Variants in GMPS observed in about 807,000 individuals in gnomAD.
GMPS encodes the protein guanosine monophosphate synthase.
GMPS carries 15 observed loss-of-function variants against 77.9 expected under a neutral mutation model. That is an observed-to-expected ratio of 0.19 (90% confidence interval 0.13 to 0.30). The LOEUF (loss-of-function observed/expected upper bound fraction) is 0.30. Ranked by LOEUF, GMPS falls within the 10% of genes least tolerant of loss-of-function variation. The probability of loss-of-function intolerance (pLI) is 1.00; values close to 1 mark genes in which losing one functional copy is unlikely to be tolerated. For missense variants in GMPS, 590 were observed against 838.8 expected (o/e 0.70, Z 3.66); for synonymous variants, 224 against 275.9 (o/e 0.81, Z 1.86).
At chr3:155,906,846 A>G (rs565930237) in intron 5 of GMPS, among the ~76,000 whole-genome samples, 2 of 152,332 alleles carry the variant, frequency 1.3e-5, no homozygotes, top group African/African-American at 4.8e-5. Flanking sequence ...CTTTGCAGAA[A>G]GTTTGCTGAC....
At chr3:155,912,800 C>A (rs1755074560) in intron 7 of GMPS, among the ~76,000 whole-genome samples, 1 of 152,100 alleles carries the variant, frequency 6.6e-6, no homozygotes, top group Non-Finnish European at 1.5e-5. Context: ...CAATAAAAAG[C>A]AAGCTGATTT....
At chr3:155,889,392 C>G (rs1031120362) in intron 1 of GMPS, among the ~76,000 whole-genome samples, 8 of 152,200 alleles carry the variant, frequency 5.3e-5, no homozygotes, top group Non-Finnish European at 1.2e-4. Flanking sequence ...ACCTTGGGTT[C>G]CCTGCCACTT....
intron 1 of GMPS, among the ~76,000 whole-genome samples, chr3:155,886,568 C>CAAAAA (rs371278045): frequency 0.023 from 1,006 of 44,080 alleles, 17 homozygotes; most frequent in Non-Finnish European, 0.031. Context: ...GAGTCCATCT[C>CAAAAA]AAAAAAAAAA....
chr3:155,926,113 G>T (rs985199286), intron 12 of GMPS, among the ~76,000 whole-genome samples: 5 of 152,130 alleles, frequency 3.3e-5, no homozygotes, highest in Non-Finnish European at 5.9e-5. Context: ...CTGGGTTCAA[G>T]CGACCCTACT....
At chr3:155,901,042 T>G (rs1421706433) in intron 3 of GMPS, among the ~76,000 whole-genome samples, 3 of 152,174 alleles carry the variant, frequency 2.0e-5, no homozygotes, top group Non-Finnish European at 2.9e-5. Flanking sequence ...AAAATGTCTA[T>G]ACTGCTCCCT....
Position 155,910,844 on chromosome 3 carries a change from A to G in GMPS, c.679A>G (p.Ile227Val). ...CGTGCAGAACAGAGAACTTGAGTGT[A>G]TTCGAGAGATCAAAGAGAGAGTAGG... ...FTVQNRELEC[I>V]REIKERVGTS... is the part of the protein sequence containing the mutation. The change falls in exon 6 of 16, where the codon ATT (isoleucine) becomes GTT (valine). Residue 227 changes from isoleucine (I) to valine (V), a missense_variant. Coordinates refer to ENST00000496455, the MANE Select transcript of GMPS (RefSeq NM_003875.3). 7 of 1,604,718 alleles carry G rather than the reference A, an allele frequency of 4.4e-6. No homozygotes were observed. The highest frequency in any genetic ancestry group is 5.9e-6 in the Non-Finnish European group (7 of 1,177,394).
chr3:155,872,609 A>G (rs1160316486), intron 1 of GMPS, among the ~76,000 whole-genome samples: 1 of 152,234 alleles, frequency 6.6e-6, no homozygotes, highest in African/African-American at 2.4e-5. Flanking sequence ...TCCAGAGTAT[A>G]TAAGAGGATT....
intron 8 of GMPS, among the ~76,000 whole-genome samples, chr3:155,914,919 C>A (rs534690459): frequency 1.3e-5 from 2 of 151,950 alleles, no homozygotes; most frequent in African/African-American, 2.4e-5. Flanking sequence ...CAGGGGTGCA[C>A]CATCATGCCC....
chr3:155,873,683 G>A (rs1753958407), intron 1 of GMPS, among the ~76,000 whole-genome samples: 1 of 120,616 alleles, frequency 8.3e-6, no homozygotes, highest in Non-Finnish European at 1.6e-5. Context: ...CGCCCAGGCT[G>A]GAGTGCAGTG....
At chr3:155,916,723 T>C (rs1755189106) in intron 9 of GMPS, among the ~76,000 whole-genome samples, 1 of 152,242 alleles carries the variant, frequency 6.6e-6, no homozygotes, top group Non-Finnish European at 1.5e-5. Flanking sequence ...AATGCCGCCA[T>C]GAATACTGGT....
chr3:155,921,653 A>G (rs1755319246), intron 10 of GMPS, among the ~76,000 whole-genome samples: 1 of 152,128 alleles, frequency 6.6e-6, no homozygotes, highest in Non-Finnish European at 1.5e-5. Context: ...TTAGCCAGGC[A>G]TGGCTGCCGG....
At chr3:155,898,267 T>C (rs184895357) in intron 3 of GMPS, among the ~76,000 whole-genome samples, 49 of 152,302 alleles carry the variant, frequency 3.2e-4, no homozygotes, top group Admixed American at 1.0e-3. Context: ...CAAAACACTA[T>C]CCATTTAAAA....
chr3:155,909,742 G>A (rs781439320), intron 5 of GMPS, among the ~76,000 whole-genome samples: 1 of 151,924 alleles, frequency 6.6e-6, no homozygotes, highest in Non-Finnish European at 1.5e-5. Flanking sequence ...TTGAGCCCAG[G>A]AGTTCAACAG....
rs1432659955 is a variant in GMPS, at chr3:155,940,586, T to TA, written c.*2897dup. ...CCATCTTTAGTGCTTTTCCTGCCGT[T>TA]AAACAACAATGTGAACTTGGTCAAG... On this transcript the variant is annotated 3_prime_UTR_variant, in exon 16 of 16. Transcript: ENST00000496455. 4.6e-6 allele frequency: 1 copy of TA among 217,950 alleles called. No homozygotes were observed. The highest frequency in any genetic ancestry group is 2.2e-5 in the African/African-American group (1 of 44,522). 13.5% of individuals were successfully genotyped at this position (217,950 alleles called of 1,614,324 possible).
intron 9 of GMPS, 91 bp from the exon 10 acceptor site, chr3:155,919,142 G>C (rs1755257118): frequency 1.7e-6 from 1 of 602,670 alleles, no homozygotes; most frequent in East Asian, 2.8e-5. Context: ...AAGAAAAGTG[G>C]TAACAGGAAA....
At chr3:155,916,684 G>T (rs1185517454) in intron 9 of GMPS, among the ~76,000 whole-genome samples, 2 of 152,098 alleles carry the variant, frequency 1.3e-5, no homozygotes, top group African/African-American at 4.8e-5. Context: ...GGGCTTTTGG[G>T]TTATTTCCAC....
Position 155,943,247 on chromosome 3 carries a change from T to C in GMPS, c.*5555T>C, listed in dbSNP as rs1755935433. On this transcript the variant is annotated 3_prime_UTR_variant, in exon 16 of 16. Coordinates refer to ENST00000496455, the MANE Select transcript of GMPS (RefSeq NM_003875.3). ...ACTCCGTCTTAAAACAAAAACAACA[T>C]ATTTGTTCACTTTTGAACCCTGTGG... 1 of 179,468 alleles carries C rather than the reference T, an allele frequency of 5.6e-6. No individual in the cohort carries two copies. The highest frequency in any genetic ancestry group is 1.2e-5 in the Non-Finnish European group (1 of 83,764). The allele number at this position is 179,468 out of a possible 1,614,324, so 11.1% of individuals were successfully genotyped here. A position where few individuals can be genotyped will look rare whatever the true frequency, so the allele number is the denominator to read the frequency against.
intron 2 of GMPS, among the ~76,000 whole-genome samples, chr3:155,895,218 A>G (rs1754573077): frequency 6.6e-6 from 1 of 152,186 alleles, no homozygotes; most frequent in Admixed American, 6.5e-5. Context: ...TATTACTGTA[A>G]TCCTTTCTGT....
intron 1 of GMPS, among the ~76,000 whole-genome samples, chr3:155,886,403 G>A (rs1029114139): frequency 2.7e-5 from 4 of 150,510 alleles, no homozygotes; most frequent in African/African-American, 4.9e-5. Context: ...GTGAAACCCC[G>A]TCTCTACTAA....
Sources: allele counts gnomAD v4.1 joint callset (sites outside exome capture counted in the v4.1 genomes callset), GRCh38; gene constraint gnomAD v4.1.1; transcripts MANE v1.5; gene names NCBI Gene and HGNC (gene_info 2026-07-23, HGNC 2026-07-21).